Variants in SLIT3 observed in about 807,000 individuals in gnomAD.
SLIT3 encodes the protein slit homolog 3 protein.
SLIT3 carries 68 observed loss-of-function variants against 184.0 expected under a neutral mutation model. The observed-to-expected ratio is 0.37, with a 90% CI of 0.30 to 0.45. The LOEUF (loss-of-function observed/expected upper bound fraction) is 0.45. Among genes scored for constraint, SLIT3 ranks in the 20% least tolerant of loss-of-function variants. The pLI is 1.00. For synonymous variants in SLIT3, 831 were observed against 828.6 expected, an observed-to-expected ratio of 1.00 and a Z score of -0.05; for missense variants, 1,707 against 2,026.0, an observed-to-expected ratio of 0.84 and a Z score of 3.02.
At chr5:168,911,950 G>T (rs1262925119) in intron 4 of SLIT3, among the ~76,000 whole-genome samples, 1 of 152,124 alleles carries the variant, frequency 6.6e-6, no homozygotes, top group East Asian at 1.9e-4. Context: ...ACAATCCACT[G>T]CCATGTATGA....
intron 4 of SLIT3, among the ~76,000 whole-genome samples, chr5:169,155,142 T>A (rs890861100): frequency 2.0e-5 from 3 of 152,184 alleles, no homozygotes; most frequent in Admixed American, 2.0e-4. Context: ...CAGCAGCTAG[T>A]GTTTGAGCCA....
intron 4 of SLIT3, chr5:169,036,446 C>T (rs182957542): frequency 1.3e-5 from 2 of 152,306 alleles, no homozygotes; most frequent in East Asian, 3.9e-4. Context: ...TTCTGCTTCA[C>T]AGTTGAATAA....
At position 169,195,290 on chromosome 5, in the gene SLIT3, G is replaced by A. The variant is rs555604425; in HGVS notation, c.342-1740C>T. On this transcript the variant is annotated intron_variant, in intron 3 of 35. Coordinates refer to ENST00000519560, the MANE Select transcript of SLIT3 (RefSeq NM_003062.4). ...CTATGGACAACAACTTTAGAGGGAT[G>A]AGCGACTAGAAGGAGGTCAAGCAGG... Among the ~76,000 whole-genome samples, 27 of 152,220 alleles carry A rather than the reference G, an allele frequency of 1.8e-4. No homozygotes were observed. The South Asian group carries it at 2.5e-3, about 14-fold the overall frequency.
chr5:168,701,096 G>T (rs1344614566), intron 26 of SLIT3, among the ~76,000 whole-genome samples: 1 of 152,192 alleles, frequency 6.6e-6, no homozygotes, highest in South Asian at 2.1e-4. Context: ...CCACCTCACA[G>T]GGTTGCTATG....
chr5:168,912,884 C>T (rs1047791064), intron 4 of SLIT3, among the ~76,000 whole-genome samples: 1 of 152,134 alleles, frequency 6.6e-6, no homozygotes, highest in African/African-American at 2.4e-5. Flanking sequence ...TCCCACACTG[C>T]TCTCCCTCCC....
chr5:169,021,865 C>T (rs964771715), intron 4 of SLIT3, among the ~76,000 whole-genome samples: 1 of 152,174 alleles, frequency 6.6e-6, no homozygotes, highest in African/African-American at 2.4e-5. Flanking sequence ...CCACATGGAG[C>T]TATTTGAGGT....
chr5:169,050,751 G>A (rs1757788644), intron 4 of SLIT3, among the ~76,000 whole-genome samples: 1 of 151,810 alleles, frequency 6.6e-6, no homozygotes, highest in South Asian at 2.1e-4. Flanking sequence ...ACTGTAACGT[G>A]TAGATTTCCT....
At chr5:168,776,983 C>T (rs1755773129) in intron 12 of SLIT3, among the ~76,000 whole-genome samples, 1 of 151,932 alleles carries the variant, frequency 6.6e-6, no homozygotes, top group African/African-American at 2.4e-5. Flanking sequence ...GGATGGAATC[C>T]TTATTGCAGC....
At chr5:169,146,696 C>T (rs1011318566) in intron 4 of SLIT3, among the ~76,000 whole-genome samples, 10 of 152,218 alleles carry the variant, frequency 6.6e-5, no homozygotes, top group African/African-American at 2.4e-4. Flanking sequence ...GACACCTGTG[C>T]CAAACACCCA....
At chr5:168,859,330 G>C (rs1236543109) in intron 5 of SLIT3, among the ~76,000 whole-genome samples, 1 of 152,120 alleles carries the variant, frequency 6.6e-6, no homozygotes, top group Non-Finnish European at 1.5e-5. Context: ...TCATAAAGAT[G>C]ATGTAAATCC....
intron 5 of SLIT3, among the ~76,000 whole-genome samples, chr5:168,882,858 A>G (rs1440017958): frequency 6.6e-6 from 1 of 152,164 alleles, no homozygotes; most frequent in Non-Finnish European, 1.5e-5. Flanking sequence ...CAAGGTTCCA[A>G]TTGATTGACC....
At chr5:169,203,111 T>A (rs1763954189) in intron 3 of SLIT3, among the ~76,000 whole-genome samples, 1 of 152,014 alleles carries the variant, frequency 6.6e-6, no homozygotes, top group Non-Finnish European at 1.5e-5. Flanking sequence ...GCACTGTGAG[T>A]CCTCTAGTTC....
chr5:169,137,948 T>C (rs1761584347), intron 4 of SLIT3, among the ~76,000 whole-genome samples: 1 of 152,102 alleles, frequency 6.6e-6, no homozygotes, highest in Non-Finnish European at 1.5e-5. Flanking sequence ...AGATCTCACC[T>C]GGCCCCTGAG....
chr5:169,213,566 A>G (rs1395927292), intron 3 of SLIT3, among the ~76,000 whole-genome samples: 1 of 152,166 alleles, frequency 6.6e-6, no homozygotes, highest in African/African-American at 2.4e-5. Flanking sequence ...TCTCTCTTCA[A>G]ATATCCCTTC....
chr5:169,091,876 G>T (rs1220847512), intron 4 of SLIT3, among the ~76,000 whole-genome samples: 1 of 152,234 alleles, frequency 6.6e-6, no homozygotes, highest in African/African-American at 2.4e-5. Flanking sequence ...CATTGCCCAA[G>T]GTTGACAGCC....
At chr5:168,724,276 T>G (rs543163998) in intron 21 of SLIT3, 140 bp downstream of exon 21, 1 of 500,472 alleles carries the variant, frequency 2.0e-6, no homozygotes, top group African/African-American at 1.9e-5. Flanking sequence ...CAGACTGGCT[T>G]CTGGTCCTAA....
At chr5:168,953,485 C>T (rs141356069) in intron 4 of SLIT3, among the ~76,000 whole-genome samples, 2 of 152,310 alleles carry the variant, frequency 1.3e-5, no homozygotes, top group East Asian at 3.8e-4. Flanking sequence ...CATTCTTGGC[C>T]CATGTCTTTA....
chr5:168,896,870 A>G (rs985721192), intron 4 of SLIT3, among the ~76,000 whole-genome samples: 1 of 152,208 alleles, frequency 6.6e-6, no homozygotes, highest in Non-Finnish European at 1.5e-5. Context: ...ATGTTGGTCC[A>G]GCCACTTCTG....
intron 4 of SLIT3, among the ~76,000 whole-genome samples, chr5:169,089,464 C>T (rs1037719835): frequency 6.6e-6 from 1 of 152,204 alleles, no homozygotes; most frequent in Non-Finnish European, 1.5e-5. Context: ...CAAGCTAAGG[C>T]CTGTCTTAGG....
Sources: allele counts gnomAD v4.1 joint callset (sites outside exome capture counted in the v4.1 genomes callset), GRCh38; gene constraint gnomAD v4.1.1; transcripts MANE v1.5; gene names NCBI Gene and HGNC (gene_info 2026-07-23, HGNC 2026-07-21).